Variants in CTNNA2 observed in about 807,000 individuals in gnomAD.
The protein encoded by CTNNA2 is catenin alpha 2, also known as catenin alpha-2.
CTNNA2 carries 42 observed loss-of-function variants against 101.0 expected under a neutral mutation model. That is an observed-to-expected ratio of 0.42 (90% CI 0.32 to 0.54). CTNNA2 has a LOEUF of 0.54. Ranked by LOEUF, CTNNA2 falls within the 20% of genes least tolerant of loss-of-function variation. CTNNA2 has a pLI of 0.14. For missense variants in CTNNA2, 871 were observed against 1,223.1 expected, an observed-to-expected ratio of 0.71 and a Z score of 4.29; for synonymous variants, 450 against 456.4, an observed-to-expected ratio of 0.99 and a Z score of 0.18.
chr2:80,030,231 T>TA (rs199886453), intron 7 of CTNNA2, among the ~76,000 whole-genome samples: 9,117 of 137,808 alleles, frequency 0.066, 762 homozygotes, highest in African/African-American at 0.2. Flanking sequence ...GAATTATTGT[T>TA]AAAAAAAAAA....
At chr2:79,237,155 G>C (rs1274352153) in intron 2 of CTNNA2, among the ~76,000 whole-genome samples, 1 of 152,178 alleles carries the variant, frequency 6.6e-6, no homozygotes, top group African/African-American at 2.4e-5. Context: ...ATTAACTCTT[G>C]ATCCATGGAC....
chr2:79,960,873 G>C (rs1689579682), intron 7 of CTNNA2, among the ~76,000 whole-genome samples: 1 of 152,132 alleles, frequency 6.6e-6, no homozygotes, highest in Non-Finnish European at 1.5e-5. Flanking sequence ...GTGAATTACA[G>C]CCTGCTGTGC....
chr2:79,943,540 ACTT>A (rs1465509161), intron 7 of CTNNA2, among the ~76,000 whole-genome samples: 3 of 152,116 alleles, frequency 2.0e-5, no homozygotes, highest in Non-Finnish European at 2.9e-5. Flanking sequence ...CTAGGTTCAG[ACTT>A]CTTATCCCCA....
chr2:79,659,861 G>T (rs560133605), intron 2 of CTNNA2, among the ~76,000 whole-genome samples: 5 of 152,192 alleles, frequency 3.3e-5, no homozygotes, highest in African/African-American at 1.2e-4. Flanking sequence ...AGTTATCCAG[G>T]TGTGGTGGCA....
intron 2 of CTNNA2, among the ~76,000 whole-genome samples, chr2:79,287,161 AT>A (rs1296912123): frequency 1.3e-5 from 2 of 151,794 alleles, no homozygotes; most frequent in Non-Finnish European, 2.9e-5. Context: ...ATTCTTCTAA[AT>A]TTTTTTCAAA....
At chr2:79,536,742 G>A (rs1204713409) in intron 1 of CTNNA2, among the ~76,000 whole-genome samples, 1 of 147,344 alleles carries the variant, frequency 6.8e-6, no homozygotes, top group African/African-American at 2.5e-5. Flanking sequence ...CTGTCACCAA[G>A]GCTGGAGTGC....
chr2:79,237,975 C>T (rs184126498), intron 2 of CTNNA2, among the ~76,000 whole-genome samples: 1 of 152,278 alleles, frequency 6.6e-6, no homozygotes, highest in Admixed American at 6.5e-5. Flanking sequence ...TGGAGTAGCA[C>T]ATTTAATTTC....
At chr2:80,547,128 T>G (rs1475371359) in intron 11 of CTNNA2, among the ~76,000 whole-genome samples, 1 of 152,204 alleles carries the variant, frequency 6.6e-6, no homozygotes, top group South Asian at 2.1e-4. Flanking sequence ...TTGCAGTCTT[T>G]TCTTTTCCGG....
rs576228894 is a variant in CTNNA2, at chr2:80,023,981, G to A, written c.1056+114184G>A. ...GGGCGCCTGTAGTCCCAGCTACTCA[G>A]GAGGCCGAGGCGGGAGAACGGCGTA... On this transcript the variant is annotated intron_variant, in intron 7 of 18. Coordinates refer to ENST00000402739, the MANE Select transcript of CTNNA2 (RefSeq NM_001282597.3). 4.6e-5 allele frequency among the ~76,000 whole-genome samples: 7 copies of A among 152,126 alleles called. No homozygotes were observed. The South Asian group carries it at 1.5e-3, about 32-fold the overall frequency.
At chr2:80,128,911 A>G (rs963696306) in intron 7 of CTNNA2, among the ~76,000 whole-genome samples, 2 of 152,186 alleles carry the variant, frequency 1.3e-5, no homozygotes, top group Non-Finnish European at 2.9e-5. Context: ...GCTCCTGGAT[A>G]TTGCCTACAA....
intron 2 of CTNNA2, among the ~76,000 whole-genome samples, chr2:79,207,469 T>C (rs1036828010): frequency 8.5e-5 from 13 of 152,192 alleles, no homozygotes; most frequent in African/African-American, 2.9e-4. Flanking sequence ...TGAGAGTTTC[T>C]GAAAAGTTGC....
chr2:80,080,931 G>A (rs776468348), intron 7 of CTNNA2, among the ~76,000 whole-genome samples: 4 of 125,420 alleles, frequency 3.2e-5, no homozygotes, highest in Non-Finnish European at 6.2e-5. Flanking sequence ...ACTCACAGGC[G>A]CACACATTCT....
At chr2:79,706,932 C>T (rs1053852637) in intron 2 of CTNNA2, among the ~76,000 whole-genome samples, 2 of 152,158 alleles carry the variant, frequency 1.3e-5, no homozygotes, top group Admixed American at 1.3e-4. Context: ...GGTCCCTCTG[C>T]CACAGAATCC....
intron 1 of CTNNA2, among the ~76,000 whole-genome samples, chr2:79,651,006 G>C (rs1320840255): frequency 6.6e-6 from 1 of 152,004 alleles, no homozygotes; most frequent in Non-Finnish European, 1.5e-5. Flanking sequence ...ATGTTAAAAA[G>C]TCAGGAAACA....
intron 7 of CTNNA2, among the ~76,000 whole-genome samples, chr2:80,324,509 T>C (rs1278341728): frequency 2.0e-5 from 3 of 152,200 alleles, no homozygotes; most frequent in Admixed American, 2.0e-4. Flanking sequence ...CCAGCAGCTA[T>C]TTATTAAAAA....
chr2:79,728,010 C>G (rs1435969703), intron 2 of CTNNA2, among the ~76,000 whole-genome samples: 1 of 152,038 alleles, frequency 6.6e-6, no homozygotes, highest in Non-Finnish European at 1.5e-5. Flanking sequence ...CAAGTCTTTG[C>G]TATTGTGAAT....
intron 7 of CTNNA2, among the ~76,000 whole-genome samples, chr2:80,171,067 T>A (rs1322421460): frequency 6.6e-6 from 1 of 152,180 alleles, no homozygotes; most frequent in Non-Finnish European, 1.5e-5. Context: ...AAAGGAGAGA[T>A]TTTTTATTAT....
chr2:80,446,718 G>T lies in CTNNA2; in HGVS notation c.1290+27117G>T, dbSNP rs570364958. On this transcript the variant is annotated intron_variant, in intron 9 of 18. Transcript: ENST00000402739. ...ACAGGACGTTTCAACAAGTTGGGTT[G>T]TGAACTTGAGAAAATTAATTTTTGG... 2.6e-5 allele frequency among the ~76,000 whole-genome samples: 4 copies of T among 152,270 alleles called. No homozygotes were observed. In the South Asian group the frequency reaches 8.3e-4, roughly 32 times the overall value.
At chr2:80,149,912 AAAAACACATGCCTGAAGAATGAAGAGTG>A (rs1703586621) in intron 7 of CTNNA2, among the ~76,000 whole-genome samples, 1 of 152,122 alleles carries the variant, frequency 6.6e-6, no homozygotes, top group Admixed American at 6.6e-5. Context: ...TTTAAACACA[AAAAACACATGCCTGAAGAATGAAGAGTG>A]AACGCCAAAG....
Sources: gnomAD v4.1 joint callset for allele counts (sites outside exome capture counted in the v4.1 genomes callset) on GRCh38, gnomAD v4.1.1 for gene constraint, MANE v1.5 for transcripts, NCBI Gene and HGNC (gene_info 2026-07-23, HGNC 2026-07-21) for gene names.